ARK2C: variants seen among roughly 807,000 people sequenced by gnomAD.
ARK2C encodes E3 ubiquitin-protein ligase ARK2C.
chr18:46,439,491 C>T, the ARK2C span, among the ~76,000 whole-genome samples: 3 of 152,184 alleles, frequency 2.0e-5, no homozygotes, highest in Admixed American at 6.5e-5. Context: ...TAGGGCCTAG[C>T]TGCACTTTCC....
chr18:46,334,468 C>A, the ARK2C span: 2 of 753,020 alleles, frequency 2.7e-6, no homozygotes, highest in Non-Finnish European at 3.8e-6. This position sits in a 1 kb window ranked among gnomAD's most constrained non-coding sequence, Gnocchi z 4.4. Context: ...TGGCTTCCCC[C>A]CACCCCATTT....
the ARK2C span, among the ~76,000 whole-genome samples, chr18:46,427,497 G>T: frequency 6.6e-6 from 1 of 152,228 alleles, no homozygotes. Flanking sequence ...CTCCACCAGG[G>T]CCCACCCGGG....
At chr18:46,396,360 A>G in the ARK2C span, among the ~76,000 whole-genome samples, 2 of 152,124 alleles carry the variant, frequency 1.3e-5, no homozygotes, top group Non-Finnish European at 2.9e-5. Context: ...CTCGTGGCCC[A>G]TCAGTGAGAG....
At chr18:46,398,377 G>A in the ARK2C span, among the ~76,000 whole-genome samples, 2 of 151,920 alleles carry the variant, frequency 1.3e-5, no homozygotes, top group African/African-American at 4.8e-5. Context: ...TGGATGGCAA[G>A]TGAAGTGTGT....
the ARK2C span, among the ~76,000 whole-genome samples, chr18:46,431,283 C>T: frequency 1.8e-4 from 27 of 152,262 alleles, no homozygotes; most frequent in African/African-American, 2.9e-4. Flanking sequence ...TGTAATCAAA[C>T]GACCGATCAC....
chr18:46,375,260 A>C, the ARK2C span, among the ~76,000 whole-genome samples: 1 of 151,646 alleles, frequency 6.6e-6, no homozygotes, highest in African/African-American at 2.4e-5. Context: ...TTCATCAAAA[A>C]TACTTGTCCT....
At chr18:46,391,793 C>T in the ARK2C span, among the ~76,000 whole-genome samples, 15 of 151,884 alleles carry the variant, frequency 9.9e-5, no homozygotes, top group African/African-American at 3.6e-4. Context: ...TACATCCACA[C>T]ACATAATACA....
chr18:46,448,147 C>A, the ARK2C span, among the ~76,000 whole-genome samples: 6 of 149,270 alleles, frequency 4.0e-5, no homozygotes, highest in Non-Finnish European at 4.5e-5. Context: ...TGTGTATCAA[C>A]CCCCATGCCC....
chr18:46,394,886 T>G, the ARK2C span, among the ~76,000 whole-genome samples: 10 of 152,232 alleles, frequency 6.6e-5, no homozygotes, highest in African/African-American at 2.4e-4. Context: ...TGGTAGAGGA[T>G]GCAGAATAAC....
chr18:46,374,992 C>T, the ARK2C span, among the ~76,000 whole-genome samples: 1 of 152,208 alleles, frequency 6.6e-6, no homozygotes, highest in African/African-American at 2.4e-5. Flanking sequence ...GGTCTTGGGC[C>T]CCAGCCAGGC....
the ARK2C span, among the ~76,000 whole-genome samples, chr18:46,348,212 G>A: frequency 7.1e-5 from 9 of 126,686 alleles, no homozygotes; most frequent in African/African-American, 2.4e-4. Flanking sequence ...GGGTGAGGGC[G>A]TTGTGGGCCA....
chr18:46,447,758 C>T, the ARK2C span: 1 of 1,592,726 alleles, frequency 6.3e-7, no homozygotes, highest in Non-Finnish European at 8.6e-7. Context: ...GGCCTGCGGT[C>T]CCCTGTGCCC....
chr18:46,393,138 G>A, the ARK2C span, among the ~76,000 whole-genome samples: 1 of 152,166 alleles, frequency 6.6e-6, no homozygotes, highest in African/African-American at 2.4e-5. Context: ...GACTTTTTCT[G>A]ATCAGATTTA....
the ARK2C span, among the ~76,000 whole-genome samples, chr18:46,423,846 T>G: frequency 5.3e-5 from 8 of 152,224 alleles, no homozygotes; most frequent in Non-Finnish European, 4.4e-5. Context: ...AGCTAATAAC[T>G]TCATCCTTAC....
At chr18:46,383,550 G>GTTT in the ARK2C span, among the ~76,000 whole-genome samples, 823 of 97,862 alleles carry the variant, frequency 8.4e-3, 12 homozygotes, top group African/African-American at 0.018. Flanking sequence ...GGTTTTCTCT[G>GTTT]TTTTTTTTTT....
At chr18:46,458,179 G>A in the ARK2C span, 2 of 152,552 alleles carry the variant, frequency 1.3e-5, no homozygotes, top group Admixed American at 6.5e-5. Flanking sequence ...CGGGATGGGG[G>A]TGCTGGGAGA....
At chr18:46,400,778 T>A in the ARK2C span, among the ~76,000 whole-genome samples, 7 of 152,188 alleles carry the variant, frequency 4.6e-5, no homozygotes, top group Non-Finnish European at 8.8e-5. Context: ...CCCGTCACTG[T>A]GCTCCTAATG....
At chr18:46,378,377 C>T in the ARK2C span, among the ~76,000 whole-genome samples, 28 of 152,290 alleles carry the variant, frequency 1.8e-4, no homozygotes, top group African/African-American at 6.7e-4. Flanking sequence ...GGGACAGAAT[C>T]CAGGCTCCTG....
chr18:46,397,712 G>A, the ARK2C span, among the ~76,000 whole-genome samples: 1 of 138,360 alleles, frequency 7.2e-6, no homozygotes, highest in African/African-American at 2.7e-5. Flanking sequence ...GAGGGTGTGT[G>A]TGCATGTGGT....
Sources: allele counts gnomAD v4.1 joint callset (sites outside exome capture counted in the v4.1 genomes callset), GRCh38; gene constraint gnomAD v4.1.1; non-coding constraint Gnocchi (gnomAD v3.1); transcripts MANE v1.5; gene names NCBI Gene and HGNC (gene_info 2026-07-23, HGNC 2026-07-21).